The following CACHD1 variants were observed in gnomAD, a reference collection of about 807,000 sequenced individuals.
CACHD1 encodes the protein VWFA and cache domain-containing protein 1.
In CACHD1, 71 loss-of-function variants were observed where a neutral mutation model predicts 138.7. The ratio of observed to expected loss-of-function variants is 0.51; its 90% confidence interval spans 0.42 to 0.62. CACHD1 has a LOEUF of 0.62. Ranked by LOEUF, CACHD1 falls within the 20% of genes least tolerant of loss-of-function variation. The pLI is 0.00. For missense variants in CACHD1, 1,389 were observed against 1,625.3 expected, an observed-to-expected ratio of 0.85 and a Z score of 2.50; for synonymous variants, 578 against 591.5, an observed-to-expected ratio of 0.98 and a Z score of 0.33.
At chr1:64,602,466 T>A (rs1465931019) in intron 3 of CACHD1, among the ~76,000 whole-genome samples, 1 of 91,412 alleles carries the variant, frequency 1.1e-5, no homozygotes, top group African/African-American at 3.9e-5. Context: ...AGAGCTCCCA[T>A]CTGATTTTTT....
At chr1:64,504,540 T>C (rs1351973106) in intron 1 of CACHD1, among the ~76,000 whole-genome samples, 1 of 152,224 alleles carries the variant, frequency 6.6e-6, no homozygotes, top group East Asian at 1.9e-4. Context: ...CCTGTTGGGT[T>C]TAATTCTTTC....
At chr1:64,684,363 C>CTTTTTTTTTTTTTTT (rs397980387) in intron 26 of CACHD1, among the ~76,000 whole-genome samples, 36 of 54,904 alleles carry the variant, frequency 6.6e-4, no homozygotes, top group Admixed American at 9.3e-4. Flanking sequence ...TCTTCTTCTT[C>CTTTTTTTTTTTTTTT]TTTTTTTTTT....
At chr1:64,541,893 C>T (rs1354186497) in intron 1 of CACHD1, among the ~76,000 whole-genome samples, 1 of 145,726 alleles carries the variant, frequency 6.9e-6, no homozygotes, top group Non-Finnish European at 1.5e-5. Flanking sequence ...CCCCATACCT[C>T]CAACTATCAT....
chr1:64,578,822 T>G (rs1416383119), intron 2 of CACHD1, among the ~76,000 whole-genome samples: 2 of 152,210 alleles, frequency 1.3e-5, no homozygotes, highest in Non-Finnish European at 2.9e-5. Flanking sequence ...TGTCCTTTTA[T>G]GACCTAGCTT....
chr1:64,635,970 A>T (rs1043859277), intron 7 of CACHD1, among the ~76,000 whole-genome samples: 3 of 151,758 alleles, frequency 2.0e-5, no homozygotes, highest in Non-Finnish European at 4.4e-5. Context: ...ATATAGCTGG[A>T]CATGGTGGCA....
At chr1:64,504,246 C>G (rs1646355391) in intron 1 of CACHD1, among the ~76,000 whole-genome samples, 1 of 152,140 alleles carries the variant, frequency 6.6e-6, no homozygotes, top group African/African-American at 2.4e-5. Flanking sequence ...CCAAGATGAT[C>G]TCAAACTCCT....
chr1:64,529,439 C>T (rs1322714745), intron 1 of CACHD1, among the ~76,000 whole-genome samples: 2 of 152,182 alleles, frequency 1.3e-5, no homozygotes, highest in African/African-American at 4.8e-5. Context: ...AACCAATCTA[C>T]AACGGAGAGC....
intron 4 of CACHD1, among the ~76,000 whole-genome samples, chr1:64,614,926 A>G (rs1480097553): frequency 6.6e-6 from 1 of 152,052 alleles, no homozygotes; most frequent in African/African-American, 2.4e-5. Flanking sequence ...AGTATTTTGA[A>G]AAAATCTCCT....
intron 21 of CACHD1, 73 bp from the exon 22 acceptor site, chr1:64,676,822 G>A: frequency 8.2e-7 from 1 of 1,221,778 alleles, no homozygotes; most frequent in Non-Finnish European, 1.2e-6. Flanking sequence ...TCTGACTGCT[G>A]TTAAGGACCA....
intron 1 of CACHD1, among the ~76,000 whole-genome samples, chr1:64,522,126 TTTTACATATGTTG>T (rs1304241216): frequency 6.6e-6 from 1 of 152,302 alleles, no homozygotes; most frequent in East Asian, 1.9e-4. Context: ...TTGAGTTAAT[TTTTACATATGTTG>T]TAAGGGTCCA....
chr1:64,541,266 T>C (rs1408938095), intron 1 of CACHD1, among the ~76,000 whole-genome samples: 1 of 152,238 alleles, frequency 6.6e-6, no homozygotes, highest in African/African-American at 2.4e-5. Flanking sequence ...TAAGGAATCA[T>C]GGCATGGGCC....
At chr1:64,496,723 C>T (rs74080199) in intron 1 of CACHD1, among the ~76,000 whole-genome samples, 1 of 152,204 alleles carries the variant, frequency 6.6e-6, no homozygotes, top group African/African-American at 2.4e-5. Context: ...TCTCTTCCAG[C>T]TGAGCCAACC....
chr1:64,618,615 A>G (rs1647798537), intron 4 of CACHD1, among the ~76,000 whole-genome samples: 1 of 152,198 alleles, frequency 6.6e-6, no homozygotes, highest in South Asian at 2.1e-4. Context: ...TGGCAAAACA[A>G]TACTCAAGAT....
intron 1 of CACHD1, among the ~76,000 whole-genome samples, chr1:64,503,360 T>A (rs1268121841): frequency 6.6e-6 from 1 of 152,184 alleles, no homozygotes; most frequent in African/African-American, 2.4e-5. Flanking sequence ...TGGTTTACTT[T>A]AGAGAAAATA....
chr1:64,585,966 A>G (rs1271755641), intron 3 of CACHD1, among the ~76,000 whole-genome samples: 2 of 152,050 alleles, frequency 1.3e-5, no homozygotes, highest in Admixed American at 6.6e-5. Flanking sequence ...AAGGGTACAA[A>G]TTCTCAGCTA....
intron 16 of CACHD1, among the ~76,000 whole-genome samples, chr1:64,666,820 G>A (rs960843989): frequency 4.4e-5 from 6 of 137,238 alleles, no homozygotes; most frequent in African/African-American, 1.7e-4. Flanking sequence ...CTGCACTCTA[G>A]CCTGGGTGAC....
chr1:64,544,970 G>A (rs1370623914), intron 1 of CACHD1, among the ~76,000 whole-genome samples: 1 of 152,114 alleles, frequency 6.6e-6, no homozygotes, highest in Non-Finnish European at 1.5e-5. Flanking sequence ...TAGCCTCGGG[G>A]AAGGCTCAGG....
At chr1:64,653,386 T>TAAA (rs60661882) in intron 10 of CACHD1, among the ~76,000 whole-genome samples, 178 of 108,256 alleles carry the variant, frequency 1.6e-3, no homozygotes, top group Non-Finnish European at 2.5e-3. Context: ...TAAAAGAAGT[T>TAAA]AAAAAAAAAA....
In CACHD1 at chr1:64,517,137, A is replaced by G. The variant is rs78711937; in HGVS notation, c.199-33457A>G. ...TGCTAGCTGCTGTTATTGTTAGTGA[A>G]TAAGTGACATCTCGTTTATTCAACA... On this transcript the variant is annotated intron_variant, in intron 1 of 26. Transcript: ENST00000651257. 9.7e-4 allele frequency among the ~76,000 whole-genome samples: 148 copies of G among 152,342 alleles called. 2 individuals are homozygous for G. The East Asian group carries it at 0.022, about 22-fold the overall frequency.
Sources: gnomAD v4.1 joint callset for allele counts (sites outside exome capture counted in the v4.1 genomes callset) on GRCh38, gnomAD v4.1.1 for gene constraint, MANE v1.5 for transcripts, NCBI Gene and HGNC (gene_info 2026-07-23, HGNC 2026-07-21) for gene names.